Variants in USP34 observed in about 807,000 individuals in gnomAD.
USP34 encodes ubiquitin specific peptidase 34.
In USP34, 70 loss-of-function variants were observed where a neutral mutation model predicts 460.3. The ratio of observed to expected loss-of-function variants is 0.15; its 90% CI spans 0.13 to 0.19. The LOEUF is 0.19. Among genes scored for constraint, USP34 ranks in the 10% least tolerant of loss-of-function variants. USP34 has a pLI of 1.00. For missense variants in USP34, 3,985 were observed against 4,236.2 expected (o/e 0.94, Z 1.65); for synonymous variants, 1,647 against 1,405.3 (o/e 1.17, Z -3.85).
chr2:61,237,355 G>A (rs1185587577), intron 53 of USP34, among the ~76,000 whole-genome samples: 1 of 152,006 alleles, frequency 6.6e-6, no homozygotes, highest in African/African-American at 2.4e-5. Context: ...TAGATTCTGT[G>A]TCACAATTTT....
At chr2:61,228,607 A>C (rs1381889246) in intron 61 of USP34, 38 bp downstream of exon 61, 1 of 1,566,488 alleles carries the variant, frequency 6.4e-7, no homozygotes, top group Non-Finnish European at 8.7e-7. Flanking sequence ...TGAAAACCAG[A>C]GCCTCTAATA....
At chr2:61,444,504 T>G (rs368554882) in intron 1 of USP34, among the ~76,000 whole-genome samples, 10 of 152,192 alleles carry the variant, frequency 6.6e-5, no homozygotes, top group East Asian at 5.8e-4. Context: ...TGACTACATT[T>G]GAAAAAATAA....
chr2:61,231,241 G>A (rs76417681), intron 58 of USP34, among the ~76,000 whole-genome samples: 1 of 151,952 alleles, frequency 6.6e-6, no homozygotes, highest in East Asian at 1.9e-4. Context: ...ATTGAGGAGA[G>A]AGGACAGGAT....
rs1288448073 is a variant in USP34, at chr2:61,301,518, A to G, written c.3818-64T>C. On this transcript the variant is annotated intron_variant, in intron 27 of 79. Coordinates refer to ENST00000398571, the MANE Select transcript of USP34 (RefSeq NM_014709.4). ...AGAATTAACTTACTTGCTGATAAGAATATGTAGTTGTAGCAATTAAACACA... is the reference window on the plus strand; with the variant it reads ...AGAATTAACTTACTTGCTGATAAGAGTATGTAGTTGTAGCAATTAAACACA... 6 of 1,418,396 alleles carry G rather than the reference A, an allele frequency of 4.2e-6. No homozygotes were observed. In the South Asian group the frequency reaches 4.7e-5, roughly 11 times the overall value. The allele number at this position is 1,418,396 out of a possible 1,614,324, so 87.9% of individuals were successfully genotyped here. A position where few individuals can be genotyped will look rare whatever the true frequency, so the allele number is the denominator to read the frequency against.
At chr2:61,343,695 G>C (rs1691674620) in intron 16 of USP34, 120 bp downstream of exon 16, 6 of 1,046,424 alleles carry the variant, frequency 5.7e-6, no homozygotes, top group Admixed American at 2.8e-5. Flanking sequence ...CCATATGTAA[G>C]TTATTTTGAC....
At chr2:61,371,883 GTGTTACAAA>G (rs1692639241) in intron 8 of USP34, among the ~76,000 whole-genome samples, 1 of 152,040 alleles carries the variant, frequency 6.6e-6, no homozygotes. Flanking sequence ...TATTTACAAA[GTGTTACAAA>G]TGCCCACAGA....
chr2:61,199,380 C>T (rs567992408), intron 75 of USP34, among the ~76,000 whole-genome samples: 4 of 152,246 alleles, frequency 2.6e-5, no homozygotes, highest in South Asian at 2.1e-4. Flanking sequence ...CTCAGCCACC[C>T]GAGTAGCTGG....
intron 2 of USP34, among the ~76,000 whole-genome samples, chr2:61,409,736 A>G (rs191296466): frequency 2.6e-5 from 4 of 152,208 alleles, no homozygotes; most frequent in Middle Eastern, 6.8e-3. Flanking sequence ...AATAAATAAA[A>G]TAAGTGTTAG....
At chr2:61,203,595 T>C (rs1342661857) in intron 74 of USP34, among the ~76,000 whole-genome samples, 3 of 152,154 alleles carry the variant, frequency 2.0e-5, no homozygotes, top group Non-Finnish European at 4.4e-5. Flanking sequence ...TTCCAAGTTA[T>C]TCCTGTAATG....
chr2:61,214,622 A>G lies in USP34; in HGVS notation c.8120T>C (p.Leu2707Ser), dbSNP rs1267205221. 6.2e-7 allele frequency: 1 copy of G among 1,614,230 alleles called. No individual in the cohort carries two copies. The highest frequency in any genetic ancestry group is 8.5e-7 in the Non-Finnish European group (1 of 1,180,026). Residue 2707 changes from leucine to serine, a missense_variant, in exon 68 of 80, where the codon TTG becomes TCG. By Grantham distance (145) the Leu-to-Ser change is moderately radical (BLOSUM62 -2). Transcript: ENST00000398571. The part of the protein sequence containing the change: ...FRQMFRSTRS[L>S]HIPTRDLPLS... ...TGGAAGGTCACGGGTTGGGATGTGC[A>G]AAGACCTTGTTGACCGGAACATCTG...
chr2:61,410,356 G>T (rs1019994077), intron 2 of USP34, among the ~76,000 whole-genome samples: 8 of 152,150 alleles, frequency 5.3e-5, no homozygotes, highest in African/African-American at 1.9e-4. Context: ...TCATGCTCCT[G>T]TGAGAATCTG....
chr2:61,260,706 G>C (rs752156675), intron 43 of USP34, among the ~76,000 whole-genome samples: 3 of 152,160 alleles, frequency 2.0e-5, no homozygotes, highest in Non-Finnish European at 2.9e-5. Flanking sequence ...GTGTACTCCT[G>C]TTATATGAGA....
At chr2:61,222,576 T>G (rs750669027) in intron 65 of USP34, 43 bp downstream of exon 65, 1 of 1,544,436 alleles carries the variant, frequency 6.5e-7, no homozygotes, top group Non-Finnish European at 8.9e-7. Flanking sequence ...TTAGCAGTGC[T>G]GAAAATTGTT....
Position 61,211,837 on chromosome 2 carries a change from C to T in USP34, c.8775G>A (p.Lys2925=), listed in dbSNP as rs1404657140. 1.9e-6 allele frequency: 3 copies of T among 1,608,838 alleles called. No homozygotes were observed. Among genetic ancestry groups the T allele is most frequent in the Non-Finnish European group, 1.7e-6 (2 of 1,178,418 alleles). ...GTAAGTAACAACTTATGGTTGTTTT[C>T]TTGAACTGTTTAATATCTTCTAATT... ...EEELEDIKQF[K]KTTISCYLRC... The change falls in exon 69 of 80, where the codon AAG becomes AAA. Residue 2925 remains lysine, a synonymous_variant. Transcript: ENST00000398571.
intron 1 of USP34, among the ~76,000 whole-genome samples, chr2:61,424,400 G>A (rs534251141): frequency 5.9e-5 from 9 of 152,200 alleles, no homozygotes; most frequent in South Asian, 2.1e-4. Context: ...ATCGTTACTC[G>A]GTGCATGACT....
intron 3 of USP34, among the ~76,000 whole-genome samples, chr2:61,400,361 G>A (rs1452321871): frequency 3.3e-5 from 5 of 151,834 alleles, no homozygotes; most frequent in African/African-American, 4.8e-5. Context: ...CACCCGCCTC[G>A]GCCTCCCAAA....
chr2:61,272,851 G>A (rs149546730), intron 41 of USP34, among the ~76,000 whole-genome samples: 1 of 152,168 alleles, frequency 6.6e-6, no homozygotes, highest in Non-Finnish European at 1.5e-5. Flanking sequence ...AGTTAAACTT[G>A]TAAAACAGGA....
chr2:61,322,599 C>A (rs574238950), intron 21 of USP34, among the ~76,000 whole-genome samples: 1 of 152,166 alleles, frequency 6.6e-6, no homozygotes, highest in East Asian at 1.9e-4. Context: ...GGTATGGTAC[C>A]ATCAAAAGAA....
intron 8 of USP34, among the ~76,000 whole-genome samples, chr2:61,377,051 A>C (rs999914585): frequency 6.6e-6 from 1 of 152,258 alleles, no homozygotes; most frequent in Non-Finnish European, 1.5e-5. Context: ...GAAAAATTCT[A>C]GGCAACACAC....
Sources: allele counts gnomAD v4.1 joint callset (sites outside exome capture counted in the v4.1 genomes callset), GRCh38; gene constraint gnomAD v4.1.1; transcripts MANE v1.5; gene names NCBI Gene and HGNC (gene_info 2026-07-23, HGNC 2026-07-21).